Variants in PIK3R1 observed in about 807,000 individuals in gnomAD.
PIK3R1 encodes the protein phosphoinositide-3-kinase regulatory subunit 1, also known as phosphatidylinositol 3-kinase regulatory subunit alpha.
Under a neutral mutation model 98.0 loss-of-function variants are expected in PIK3R1, and 29 were observed. The ratio of observed to expected loss-of-function variants is 0.30; its 90% CI spans 0.22 to 0.40. The LOEUF (loss-of-function observed/expected upper bound fraction) is 0.40, where lower values mean the gene tolerates loss of function less well. Ranked by LOEUF, PIK3R1 falls within the 10% of genes least tolerant of loss-of-function variation. The pLI is 1.00. For missense variants in PIK3R1, 596 were observed against 872.7 expected, an observed-to-expected ratio of 0.68 and a Z score of 3.99; for synonymous variants, 282 against 311.8, an observed-to-expected ratio of 0.90 and a Z score of 1.01.
In PIK3R1 at chr5:68,300,270, A is replaced by T. The variant is rs1171431511; in HGVS notation, c.*2669A>T. 8.6e-6 allele frequency: 2 copies of T among 233,084 alleles called. No homozygotes were observed. The highest frequency in any genetic ancestry group is 1.2e-4 in the East Asian group (2 of 16,542). 14.4% of individuals were successfully genotyped at this position (233,084 alleles called of 1,614,324 possible). A position where few individuals can be genotyped will look rare whatever the true frequency, so the allele number is the denominator to read the frequency against. On this transcript the variant is annotated 3_prime_UTR_variant, in exon 16 of 16. Coordinates refer to ENST00000521381, the MANE Select transcript of PIK3R1 (RefSeq NM_181523.3). Reference sequence around the variant, plus strand: ...AGTTACACCAGACCTGTTCTGCCCAATGCCTTTTTGATTACAGTGTAGCTT... The same window carrying T: ...AGTTACACCAGACCTGTTCTGCCCATTGCCTTTTTGATTACAGTGTAGCTT...
chr5:68,221,731 T>G (rs942219037), intron 1 of PIK3R1, among the ~76,000 whole-genome samples: 1 of 152,240 alleles, frequency 6.6e-6, no homozygotes, highest in East Asian at 1.9e-4. Context: ...GAAAATCTAC[T>G]TTACAGCAGT....
chr5:68,253,986 T>TCC (rs1745419804), intron 2 of PIK3R1, among the ~76,000 whole-genome samples: 1 of 144,984 alleles, frequency 6.9e-6, no homozygotes, highest in African/African-American at 2.6e-5. Flanking sequence ...GGACCCCCTT[T>TCC]TTTTTTTTTT....
intron 7 of PIK3R1, among the ~76,000 whole-genome samples, chr5:68,283,969 C>A (rs1326586821): frequency 6.6e-6 from 1 of 152,080 alleles, no homozygotes; most frequent in Non-Finnish European, 1.5e-5. Flanking sequence ...AAAGTCAGGG[C>A]AATGTTTATA....
intron 2 of PIK3R1, among the ~76,000 whole-genome samples, chr5:68,229,530 C>T (rs1389454360): frequency 6.6e-6 from 1 of 152,144 alleles, no homozygotes; most frequent in Non-Finnish European, 1.5e-5. Context: ...CACCAACCCC[C>T]ACCCCAGGTC....
At chr5:68,277,718 C>T (rs954510566) in intron 4 of PIK3R1, among the ~76,000 whole-genome samples, 24 of 152,316 alleles carry the variant, frequency 1.6e-4, no homozygotes, top group Non-Finnish European at 2.9e-4. Context: ...CTTCCTCATT[C>T]TCTCCTAGGC....
In PIK3R1 at chr5:68,298,520, T is replaced by TAAAA. The variant is rs1747853954; in HGVS notation, c.*921_*922insAAAA. The TAAAA allele has an allele frequency of 4.3e-6, 1 of 233,300 alleles. No homozygotes were observed. Among genetic ancestry groups the TAAAA allele is most frequent in the African/African-American group, 2.2e-5 (1 of 45,428 alleles). 14.5% of individuals were successfully genotyped at this position (233,300 alleles called of 1,614,324 possible). On this transcript the variant is annotated 3_prime_UTR_variant, in exon 16 of 16. Transcript: ENST00000521381. ...AAATATTGTTGTCCCGGATTTTTGT[T>TAAAA]AATATTCATTTTTGTTATCCTTTTT...
At chr5:68,219,962 G>C (rs1744036172) in intron 1 of PIK3R1, among the ~76,000 whole-genome samples, 1 of 152,154 alleles carries the variant, frequency 6.6e-6, no homozygotes, top group South Asian at 2.1e-4. Flanking sequence ...TAGAGTGATT[G>C]TAATGGTTAA....
At chr5:68,246,217 T>C (rs941895176) in intron 2 of PIK3R1, among the ~76,000 whole-genome samples, 3 of 152,346 alleles carry the variant, frequency 2.0e-5, no homozygotes, top group Middle Eastern at 3.4e-3. Flanking sequence ...TATTCTATAC[T>C]TTATACCTTA....
chr5:68,262,796 CGTAGATACATGTATACAT>C lies in PIK3R1; in HGVS notation c.335-10580_335-10563del, dbSNP rs1223659502. On this transcript the variant is annotated intron_variant, in intron 2 of 15. Transcript: ENST00000521381. ...GTAGATGCATGTAGATACATGTATA[CGTAGATACATGTATACAT>C]GTAGATACATGTAGATACATGTATA... Among the ~76,000 whole-genome samples the C allele has an allele frequency of 3.2e-4, 6 of 18,508 alleles. 1 individual carries two copies. The highest frequency in any genetic ancestry group is 5.3e-4 in the Non-Finnish European group (5 of 9,462). 12.1% of individuals were successfully genotyped at this position (18,508 alleles called of 152,430 possible).
Position 68,288,012 on chromosome 5 carries a change from C to T in PIK3R1, c.917-4247C>T, listed in dbSNP as rs537121272. On this transcript the variant is annotated intron_variant, in intron 7 of 15. Coordinates refer to ENST00000521381, the MANE Select transcript of PIK3R1 (RefSeq NM_181523.3). ...TGGGAGGAGGTGCAAGAGGTGGACA[C>T]GAGCGAGGCGCTGTGTTCTGGGTTG... Among the ~76,000 whole-genome samples the T allele has an allele frequency of 6.6e-5, 10 of 152,260 alleles. No homozygotes were observed. The East Asian group carries it at 1.9e-3, about 29-fold the overall frequency.
At chr5:68,295,732 C>T (rs1561300428) in intron 14 of PIK3R1, 1 of 525,842 alleles carries the variant, frequency 1.9e-6, no homozygotes, top group East Asian at 3.1e-5. Context: ...AATGATGTCC[C>T]TGAACATCTG....
At chr5:68,293,978 T>C in intron 11 of PIK3R1, 144 bp downstream of exon 11, 2 of 670,378 alleles carry the variant, frequency 3.0e-6, no homozygotes, top group Non-Finnish European at 2.5e-6. Flanking sequence ...TTGATTATTC[T>C]AGTGTAATAT....
At position 68,299,069 on chromosome 5, in the gene PIK3R1, G is replaced by A. The variant is rs1190952251; in HGVS notation, c.*1468G>A. On this transcript the variant is annotated 3_prime_UTR_variant, in exon 16 of 16. Coordinates refer to ENST00000521381, the MANE Select transcript of PIK3R1 (RefSeq NM_181523.3). ...AAACCTACTGTATCTCTAATACAGT[G>A]TGACTGGTCAGGTATTTCAGTTCTT... 8.6e-6 allele frequency: 2 copies of A among 233,478 alleles called. No individual in the cohort carries two copies. Among genetic ancestry groups the A allele is most frequent in the Non-Finnish European group, 1.7e-5 (2 of 118,002 alleles). 14.5% of individuals were successfully genotyped at this position (233,478 alleles called of 1,614,324 possible). A position where few individuals can be genotyped will look rare whatever the true frequency, so the allele number is the denominator to read the frequency against.
intron 2 of PIK3R1, among the ~76,000 whole-genome samples, chr5:68,235,268 T>C (rs1225612247): frequency 1.3e-5 from 2 of 151,984 alleles, no homozygotes; most frequent in Non-Finnish European, 2.9e-5. Flanking sequence ...CTGGGTGTGA[T>C]GGTGCATGCC....
intron 7 of PIK3R1, among the ~76,000 whole-genome samples, chr5:68,286,949 T>C (rs1246156569): frequency 6.6e-6 from 1 of 152,244 alleles, no homozygotes; most frequent in Non-Finnish European, 1.5e-5. Context: ...TATGATCAGA[T>C]GGCAGATTCA....
Position 68,262,784 on chromosome 5 carries a change from G to T in PIK3R1, c.335-10606G>T, listed in dbSNP as rs533884205. 6.8e-4 allele frequency among the ~76,000 whole-genome samples: 26 copies of T among 38,360 alleles called. 3 individuals carry two copies. The East Asian group carries it at 0.012, about 18-fold the overall frequency. The allele number at this position is 38,360 out of a possible 152,430, so 25.2% of individuals were successfully genotyped here. A position where few individuals can be genotyped will look rare whatever the true frequency, so the allele number is the denominator to read the frequency against. On this transcript the variant is annotated intron_variant, in intron 2 of 15. Coordinates refer to ENST00000521381, the MANE Select transcript of PIK3R1 (RefSeq NM_181523.3). ...ACATATATACATGTAGATGCATGTA[G>T]ATACATGTATACGTAGATACATGTA...
intron 4 of PIK3R1, among the ~76,000 whole-genome samples, chr5:68,275,108 A>G (rs1746517610): frequency 6.6e-6 from 1 of 152,174 alleles, no homozygotes; most frequent in Non-Finnish European, 1.5e-5. Flanking sequence ...AAATTCTTAC[A>G]CTTGAAATGT....
intron 1 of PIK3R1, among the ~76,000 whole-genome samples, chr5:68,223,787 C>A (rs1480018235): frequency 6.6e-6 from 1 of 152,208 alleles, no homozygotes; most frequent in African/African-American, 2.4e-5. Flanking sequence ...GACTCAAGCA[C>A]AGCTTTTAGG....
chr5:68,222,179 A>T lies in PIK3R1; in HGVS notation c.-386-4111A>T, dbSNP rs79009616. ...TGTAGCAAAAGAGAATAGAGGCATGATAGAGTGAATCTGAGGAAAAATCCT... is the reference window on the plus strand; with the variant it reads ...TGTAGCAAAAGAGAATAGAGGCATGTTAGAGTGAATCTGAGGAAAAATCCT... On this transcript the variant is annotated intron_variant, in intron 1 of 15. Transcript: ENST00000521381. Among the ~76,000 whole-genome samples, 224 of 152,336 alleles carry T rather than the reference A, an allele frequency of 1.5e-3. 3 individuals are homozygous for T. The highest frequency in any genetic ancestry group is 4.9e-3 in the African/African-American group (203 of 41,580).
Sources: allele counts gnomAD v4.1 joint callset (sites outside exome capture counted in the v4.1 genomes callset), GRCh38; gene constraint gnomAD v4.1.1; transcripts MANE v1.5; gene names NCBI Gene and HGNC (gene_info 2026-07-23, HGNC 2026-07-21).